The following OR1B1 variants were observed in gnomAD, a reference collection of about 807,000 sequenced individuals.
The protein encoded by OR1B1 is olfactory receptor family 1 subfamily B member 1.
For missense variants in OR1B1, 414 were observed against 402.1 expected, an observed-to-expected ratio of 1.03 and a Z score of -0.25; for synonymous variants, 168 against 156.2, an observed-to-expected ratio of 1.08 and a Z score of -0.57.
At chr9:122,639,604 C>T in the OR1B1 span, 8 of 151,788 alleles carry the variant, frequency 5.3e-5, no homozygotes, top group African/African-American at 1.9e-4. Flanking sequence ...TCAGATTCCT[C>T]AACCATAAAG....
the OR1B1 span, among the ~76,000 whole-genome samples, chr9:122,650,413 T>TAA: frequency 1.3e-5 from 2 of 150,632 alleles, no homozygotes; most frequent in East Asian, 1.9e-4. Context: ...AAATGAAAAT[T>TAA]AAAAAAATAT....
At chr9:122,635,325 T>C in the OR1B1 span, among the ~76,000 whole-genome samples, 1 of 152,088 alleles carries the variant, frequency 6.6e-6, no homozygotes, top group Non-Finnish European at 1.5e-5. Flanking sequence ...AAAAACTAAA[T>C]ACATAGAAAC....
At chr9:122,648,441 C>A in the OR1B1 span, among the ~76,000 whole-genome samples, 1 of 152,184 alleles carries the variant, frequency 6.6e-6, no homozygotes, top group Non-Finnish European at 1.5e-5. Flanking sequence ...GACAAACCCA[C>A]AGCCAATATC....
the OR1B1 span, among the ~76,000 whole-genome samples, chr9:122,645,833 G>A: frequency 2.6e-5 from 4 of 152,116 alleles, no homozygotes; most frequent in African/African-American, 7.2e-5. Flanking sequence ...ATTAGTGAGT[G>A]AGAAGGAATC....
chr9:122,655,530 T>C, the OR1B1 span, among the ~76,000 whole-genome samples: 5 of 152,124 alleles, frequency 3.3e-5, no homozygotes, highest in Admixed American at 1.3e-4. Flanking sequence ...AGAGATCATG[T>C]CCTTTGTAGG....
the OR1B1 span, among the ~76,000 whole-genome samples, chr9:122,644,619 T>C: frequency 4.6e-5 from 7 of 152,170 alleles, no homozygotes; most frequent in Non-Finnish European, 8.8e-5. Flanking sequence ...CAGTTCCAAG[T>C]GGCTCAGCAA....
the OR1B1 span, among the ~76,000 whole-genome samples, chr9:122,646,346 C>CAAT: frequency 1.3e-5 from 2 of 151,820 alleles, no homozygotes; most frequent in Non-Finnish European, 2.9e-5. Flanking sequence ...CCCCACATAT[C>CAAT]AATAATAACA....
chr9:122,655,817 C>T, the OR1B1 span, among the ~76,000 whole-genome samples: 4 of 151,274 alleles, frequency 2.6e-5, no homozygotes, highest in Non-Finnish European at 4.4e-5. Flanking sequence ...GCACATCCTG[C>T]ACATGTACCC....
chr9:122,630,847 G>C (rs1830196615), upstream of OR1B1, among the ~76,000 whole-genome samples: 1 of 151,704 alleles, frequency 6.6e-6, no homozygotes, highest in African/African-American at 2.4e-5. Context: ...AGCTGGGACT[G>C]CAGGCACACA....
At chr9:122,643,056 T>C in the OR1B1 span, among the ~76,000 whole-genome samples, 9 of 152,270 alleles carry the variant, frequency 5.9e-5, no homozygotes, top group South Asian at 1.0e-3. Flanking sequence ...GATGGCAGAA[T>C]AGAAGCCTAT....
the OR1B1 span, among the ~76,000 whole-genome samples, chr9:122,645,484 T>A: frequency 6.6e-6 from 1 of 152,002 alleles, no homozygotes; most frequent in Non-Finnish European, 1.5e-5. Flanking sequence ...CCCCAAGGCA[T>A]TTAATAATCA....
At chr9:122,632,378 A>G (rs1302106959), upstream of OR1B1, among the ~76,000 whole-genome samples, 1 of 152,200 alleles carries the variant, frequency 6.6e-6, no homozygotes, top group Non-Finnish European at 1.5e-5. Flanking sequence ...AACTCAATGG[A>G]TGGGTTAGAC....
At chr9:122,628,472 CTTAAG>C (rs1001716598), downstream of OR1B1, 1 of 719,810 alleles carries the variant, frequency 1.4e-6, no homozygotes, top group Non-Finnish European at 2.4e-6. Flanking sequence ...TCTGGAGTTC[CTTAAG>C]TTATCTAGGC....
chr9:122,653,493 T>C, the OR1B1 span, among the ~76,000 whole-genome samples: 1 of 152,212 alleles, frequency 6.6e-6, no homozygotes, highest in Admixed American at 6.5e-5. Flanking sequence ...AGAACACAGA[T>C]TGACACATGG....
the OR1B1 span, among the ~76,000 whole-genome samples, chr9:122,646,939 TAG>T: frequency 6.6e-6 from 1 of 152,178 alleles, no homozygotes; most frequent in African/African-American, 2.4e-5. Context: ...AGTTAAAGTG[TAG>T]AGTTTTTATT....
chr9:122,629,261 G>A, exon 1 of OR1B1: 1 of 1,614,108 alleles, frequency 6.2e-7, no homozygotes, highest in Non-Finnish European at 8.5e-7. Context: ...AGGAATGGTT[G>A]GGTAATGAGA....
chr9:122,628,558 A>T (rs746236732), downstream of OR1B1: 3 of 1,498,278 alleles, frequency 2.0e-6, no homozygotes, highest in Non-Finnish European at 2.8e-6. Flanking sequence ...CACCTATTCA[A>T]TATGGCCCAC....
At chr9:122,633,859 G>A (rs551080999), upstream of OR1B1, among the ~76,000 whole-genome samples, 8 of 145,616 alleles carry the variant, frequency 5.5e-5, no homozygotes, top group African/African-American at 2.0e-4. Flanking sequence ...GAACCCAGAC[G>A]CAGAAGTTGC....
the OR1B1 span, among the ~76,000 whole-genome samples, chr9:122,644,923 T>C: frequency 6.6e-6 from 1 of 152,096 alleles, no homozygotes; most frequent in African/African-American, 2.4e-5. Flanking sequence ...CAAGAAAACA[T>C]GACCTCACCA....
Sources: allele counts gnomAD v4.1 joint callset (sites outside exome capture counted in the v4.1 genomes callset), GRCh38; gene constraint gnomAD v4.1.1; transcripts MANE v1.5; gene names NCBI Gene and HGNC (gene_info 2026-07-23, HGNC 2026-07-21).